The following INPP4B variants were observed in gnomAD, a reference collection of about 807,000 sequenced individuals.
INPP4B encodes inositol polyphosphate 4-phosphatase type II.
INPP4B carries 55 observed loss-of-function variants against 122.5 expected under a neutral mutation model. That is an observed-to-expected ratio of 0.45 (90% CI 0.36 to 0.56). The LOEUF (loss-of-function observed/expected upper bound fraction) is 0.56, where lower values mean the gene tolerates loss of function less well. Ranked by LOEUF, INPP4B falls within the 20% of genes least tolerant of loss-of-function variation. The pLI, the probability that INPP4B is intolerant of heterozygous loss-of-function variation, is 0.00. For missense variants in INPP4B, 1,000 were observed against 1,097.7 expected, an observed-to-expected ratio of 0.91 and a Z score of 1.26; for synonymous variants, 403 against 388.7, an observed-to-expected ratio of 1.04 and a Z score of -0.43.
At chr4:142,659,574 C>A (rs921506090) in intron 2 of INPP4B, among the ~76,000 whole-genome samples, 2 of 152,130 alleles carry the variant, frequency 1.3e-5, no homozygotes, top group African/African-American at 4.8e-5. Context: ...AGCTCAGAAA[C>A]AACATGAGGG....
chr4:142,212,106 G>T (rs1243968585), intron 12 of INPP4B, among the ~76,000 whole-genome samples: 2 of 152,062 alleles, frequency 1.3e-5, no homozygotes, highest in African/African-American at 4.8e-5. Flanking sequence ...GCCCAGGACA[G>T]ACAACCCCGT....
At chr4:142,428,854 GACAA>G (rs1374069056) in intron 5 of INPP4B, among the ~76,000 whole-genome samples, 2 of 151,954 alleles carry the variant, frequency 1.3e-5, no homozygotes, top group East Asian at 1.9e-4. Context: ...TAGAAAATTA[GACAA>G]ACAGAGTTGC....
At chr4:142,065,468 G>A (rs1271120078) in intron 25 of INPP4B, among the ~76,000 whole-genome samples, 3 of 152,194 alleles carry the variant, frequency 2.0e-5, no homozygotes, top group African/African-American at 7.2e-5. Flanking sequence ...TCATTCATTA[G>A]CTGAATGTTA....
intron 1 of INPP4B, among the ~76,000 whole-genome samples, chr4:142,744,173 T>C (rs552124596): frequency 1.3e-5 from 2 of 151,920 alleles, no homozygotes; most frequent in South Asian, 2.1e-4. Context: ...GAACAATAAA[T>C]GAAATGTAAA....
At chr4:142,526,530 A>G (rs1381344373) in intron 2 of INPP4B, among the ~76,000 whole-genome samples, 1 of 152,072 alleles carries the variant, frequency 6.6e-6, no homozygotes, top group Admixed American at 6.6e-5. Flanking sequence ...TGGCTACAGG[A>G]TCAATTGTAT....
At chr4:142,488,480 A>G (rs1297546454) in intron 2 of INPP4B, among the ~76,000 whole-genome samples, 2 of 152,070 alleles carry the variant, frequency 1.3e-5, no homozygotes, top group East Asian at 3.9e-4. Context: ...AATGTTTCCT[A>G]TAATTTACCA....
chr4:142,444,237 A>C (rs1292962919), intron 3 of INPP4B, among the ~76,000 whole-genome samples: 3 of 152,346 alleles, frequency 2.0e-5, no homozygotes, highest in Admixed American at 6.5e-5. Context: ...TATACATTTA[A>C]GTTCCTTGTA....
chr4:142,767,600 G>A (rs1046316538), intron 1 of INPP4B: 1 of 151,976 alleles, frequency 6.6e-6, no homozygotes, highest in African/African-American at 2.4e-5. Flanking sequence ...TCTTCATTTG[G>A]GTTTCTCCAA....
At chr4:142,185,351 C>T (rs1579209958) in intron 15 of INPP4B, among the ~76,000 whole-genome samples, 1 of 149,994 alleles carries the variant, frequency 6.7e-6, no homozygotes, top group South Asian at 2.1e-4. Flanking sequence ...TAAAGTGGAG[C>T]TACCTGCTAG....
chr4:142,670,618 GAGT>G (rs1212851161), intron 2 of INPP4B, among the ~76,000 whole-genome samples: 2 of 152,136 alleles, frequency 1.3e-5, no homozygotes. Flanking sequence ...TGGAAGAAGA[GAGT>G]AGAATGGTGA....
intron 18 of INPP4B, among the ~76,000 whole-genome samples, chr4:142,128,407 T>C (rs2152775643): frequency 6.6e-6 from 1 of 151,802 alleles, no homozygotes; most frequent in Middle Eastern, 3.4e-3. Flanking sequence ...TTTATAAACC[T>C]AGTGAAGCTG....
intron 12 of INPP4B, among the ~76,000 whole-genome samples, chr4:142,228,371 C>T (rs570660877): frequency 6.6e-6 from 1 of 152,004 alleles, no homozygotes; most frequent in Non-Finnish European, 1.5e-5. Context: ...ACTATAAAAG[C>T]ACATTGTATG....
chr4:142,203,920 C>G (rs1841687355), intron 14 of INPP4B, among the ~76,000 whole-genome samples: 1 of 152,012 alleles, frequency 6.6e-6, no homozygotes, highest in African/African-American at 2.4e-5. Flanking sequence ...TGCATTATTA[C>G]CTTGCAATAA....
At chr4:142,185,463 C>T (rs1037549195) in intron 15 of INPP4B, among the ~76,000 whole-genome samples, 5 of 151,560 alleles carry the variant, frequency 3.3e-5, no homozygotes, top group Non-Finnish European at 7.4e-5. Context: ...AATATCCAAA[C>T]TCAGTACTCA....
intron 2 of INPP4B, among the ~76,000 whole-genome samples, chr4:142,690,681 C>G (rs576069451): frequency 6.6e-6 from 1 of 152,300 alleles, no homozygotes; most frequent in African/African-American, 2.4e-5. Flanking sequence ...ATTGTTGCCT[C>G]CCACTCCTGC....
chr4:142,843,550 T>C (rs1330489105), intron 1 of INPP4B, among the ~76,000 whole-genome samples: 1 of 151,966 alleles, frequency 6.6e-6, no homozygotes, highest in Non-Finnish European at 1.5e-5. Context: ...TCCCCATAGT[T>C]GTGAAAGACA....
chr4:142,827,215 A>T (rs1025634607), intron 1 of INPP4B, among the ~76,000 whole-genome samples: 1 of 152,202 alleles, frequency 6.6e-6, no homozygotes, highest in Non-Finnish European at 1.5e-5. Flanking sequence ...TGTTGTCAGC[A>T]TAAGAGCCAT....
At chr4:142,487,319 A>G (rs887981371) in intron 2 of INPP4B, among the ~76,000 whole-genome samples, 1 of 152,162 alleles carries the variant, frequency 6.6e-6, no homozygotes, top group African/African-American at 2.4e-5. Flanking sequence ...AAAATGGACT[A>G]ATACATTATG....
At chr4:142,440,856 A>G (rs1385262436) in intron 3 of INPP4B, among the ~76,000 whole-genome samples, 4 of 152,186 alleles carry the variant, frequency 2.6e-5, no homozygotes, top group African/African-American at 9.7e-5. Context: ...TCATTTACCT[A>G]TTTTGGCCCC....
Sources: allele counts gnomAD v4.1 joint callset (sites outside exome capture counted in the v4.1 genomes callset), GRCh38; gene constraint gnomAD v4.1.1; transcripts MANE v1.5; gene names NCBI Gene and HGNC (gene_info 2026-07-23, HGNC 2026-07-21).